The following FKBP15 variants were observed in gnomAD, a reference collection of about 807,000 sequenced individuals.
FKBP15 encodes FK506-binding protein 15.
Under a neutral mutation model 158.1 loss-of-function variants are expected in FKBP15, and 106 were observed. The ratio of observed to expected loss-of-function variants is 0.67; its 90% CI spans 0.57 to 0.79. FKBP15 has a LOEUF of 0.79. FKBP15 is among the 30% of genes least tolerant of loss of function. The probability of loss-of-function intolerance (pLI) is 0.00; values close to 1 mark genes in which losing one functional copy is unlikely to be tolerated. For missense variants in FKBP15, 1,287 were observed against 1,479.1 expected (o/e 0.87, Z 2.13); for synonymous variants, 547 against 548.6 (o/e 1.00, Z 0.04).
chr9:113,192,340 C>T (rs1156337462), intron 11 of FKBP15, among the ~76,000 whole-genome samples: 1 of 152,196 alleles, frequency 6.6e-6, no homozygotes, highest in Non-Finnish European at 1.5e-5. Context: ...TCACTCCATG[C>T]AACTATTCTG....
Position 113,184,876 on chromosome 9 carries a change from G to A in FKBP15, c.1499-72C>T. On this transcript the variant is annotated intron_variant, in intron 15 of 27. Coordinates refer to ENST00000238256, the MANE Select transcript of FKBP15 (RefSeq NM_015258.2). The surrounding 1 kb of genome is among the most constrained non-coding windows in gnomAD (Gnocchi z 4.5). Reference sequence around the variant, plus strand: ...GAAACTGTATGAAGAAAAGCTAGTAGCTCTTCCAGTAAAGAAAGAAATTAA... The same window carrying A: ...GAAACTGTATGAAGAAAAGCTAGTAACTCTTCCAGTAAAGAAAGAAATTAA... 1 of 1,162,256 alleles carries A rather than the reference G, an allele frequency of 8.6e-7. No homozygotes were observed. Among genetic ancestry groups the A allele is most frequent in the South Asian group, 1.4e-5 (1 of 73,984 alleles). The allele number at this position is 1,162,256 out of a possible 1,614,324, so 72.0% of individuals were successfully genotyped here.
At chr9:113,216,624 T>C (rs1482377706) in intron 1 of FKBP15, among the ~76,000 whole-genome samples, 1 of 152,208 alleles carries the variant, frequency 6.6e-6, no homozygotes, top group Non-Finnish European at 1.5e-5. Flanking sequence ...TCACTATCTT[T>C]AACACAGTGA....
chr9:113,206,907 A>G, intron 3 of FKBP15: 2 of 434,980 alleles, frequency 4.6e-6, no homozygotes, highest in Non-Finnish European at 4.1e-6. Flanking sequence ...TAAAGCTCAT[A>G]TACTATTCCC....
intron 11 of FKBP15, among the ~76,000 whole-genome samples, chr9:113,191,564 T>C (rs938806015): frequency 1.3e-5 from 2 of 151,064 alleles, no homozygotes; most frequent in South Asian, 4.2e-4. Context: ...ATGCACACAA[T>C]GGAATATTGT....
At chr9:113,196,860 T>C in intron 9 of FKBP15, 72 bp downstream of exon 9, 2 of 1,525,596 alleles carry the variant, frequency 1.3e-6, no homozygotes, top group East Asian at 2.3e-5. Context: ...TTCATTTATT[T>C]ATTCATTTTG....
Position 113,168,545 on chromosome 9 carries a change from T to A in FKBP15, c.3497A>T (p.Asp1166Val). Residue 1166 changes from aspartate to valine, a missense_variant, in exon 27 of 28, where the codon GAT (aspartate) becomes GTT (valine). Asp to Val is a radical substitution (Grantham distance 152). Transcript: ENST00000238256. ...CCCTTTAAACAGTTCATCCTCTTCA[T>A]CCCCAGAGAGACTGAAGGAAAATCA... ...HHSQRSSLSG[D>V]EEDELFKGAT... 2 of 1,613,762 alleles carry A rather than the reference T, an allele frequency of 1.2e-6. No individual in the cohort carries two copies. The highest frequency in any genetic ancestry group is 1.1e-5 in the South Asian group (1 of 91,060).
At chr9:113,190,686 C>A in intron 11 of FKBP15, 108 bp from the exon 12 acceptor site, 2 of 749,638 alleles carry the variant, frequency 2.7e-6, no homozygotes, top group South Asian at 3.3e-5. Flanking sequence ...ATCCCCCTAC[C>A]ATATCTATTT....
chr9:113,213,673 T>G (rs1347334509), intron 1 of FKBP15, among the ~76,000 whole-genome samples: 1 of 151,986 alleles, frequency 6.6e-6, no homozygotes, highest in Non-Finnish European at 1.5e-5. Context: ...TCTGAGCTAG[T>G]ATGCTTGCCA....
chr9:113,170,086 C>A, intron 25 of FKBP15, 144 bp from the exon 26 acceptor site: 1 of 1,122,778 alleles, frequency 8.9e-7, no homozygotes, highest in Non-Finnish European at 1.2e-6. Context: ...CAAGTCACTC[C>A]AGGCATCCTA....
intron 26 of FKBP15, among the ~76,000 whole-genome samples, 170 bp downstream of exon 26, chr9:113,169,054 C>T (rs1830153469): frequency 6.6e-6 from 1 of 152,198 alleles, no homozygotes; most frequent in Non-Finnish European, 1.5e-5. Context: ...ACTGTAGGGC[C>T]CGCCACAGAG....
Position 113,169,716 on chromosome 9 carries a change from G to A in FKBP15, c.2993C>T (p.Ala998Val), listed in dbSNP as rs370599862. 2 of 1,613,718 alleles carry A rather than the reference G, an allele frequency of 1.2e-6. No individual in the cohort carries two copies. The highest frequency in any genetic ancestry group is 3.3e-5 in the Admixed American group (2 of 59,956). Residue 998 changes from alanine (A) to valine (V), a missense_variant, in exon 26 of 28, where the codon GCC becomes GTC. Physicochemically the swap from Ala to Val is moderately conservative, Grantham distance 64. Coordinates refer to ENST00000238256, the MANE Select transcript of FKBP15 (RefSeq NM_015258.2). ...GTGTCCATCCTGGGAAGTGGTGAGG[G>A]CCTGAGGAGGCAACGGGACAGCTTC... is the stretch of plus-strand genomic sequence containing the variant. ...VEEAVPLPPQ[A>V]LTTSQDGHRR...
rs1830728830 is a variant in FKBP15, at chr9:113,198,534, C to T, written c.717+321G>A. On this transcript the variant is annotated intron_variant, in intron 8 of 27. Transcript: ENST00000238256. The surrounding 1 kb of genome is among the most constrained non-coding windows in gnomAD (Gnocchi z 5.2). ...TTGGGAGGCTGAGGCGGGTGGATCA[C>T]CTGATGTCGGGAGTTTGAGACCAGC... Among the ~76,000 whole-genome samples the T allele has an allele frequency of 6.6e-6, 1 of 152,162 alleles. No homozygotes were observed. The highest frequency in any genetic ancestry group is 6.5e-5 in the Admixed American group (1 of 15,270).
At position 113,166,000 on chromosome 9, in the gene FKBP15, C is replaced by T; in HGVS notation, c.*78G>A. 1 of 1,429,558 alleles carries T rather than the reference C, an allele frequency of 7.0e-7. No homozygotes were observed. The highest frequency in any genetic ancestry group is 9.6e-7 in the Non-Finnish European group (1 of 1,036,916). The allele number at this position is 1,429,558 out of a possible 1,614,324, so 88.6% of individuals were successfully genotyped here. ...ACCTTGACCTCACCCTGTGGTTCGC[C>T]TAGACCCAGGGTTGGCTGTGCAAAA... On this transcript the variant is annotated 3_prime_UTR_variant, in exon 28 of 28. Coordinates refer to ENST00000238256, the MANE Select transcript of FKBP15 (RefSeq NM_015258.2).
At chr9:113,212,777 G>C (rs77333757) in intron 1 of FKBP15, among the ~76,000 whole-genome samples, 1,648 of 152,088 alleles carry the variant, frequency 0.011, 27 homozygotes, top group African/African-American at 0.037. Context: ...TCTCTCCCTT[G>C]GTAGGGTTTC....
Position 113,197,070 on chromosome 9 carries a change from C to T in FKBP15, c.726G>A (p.Glu242=). The T allele has an allele frequency of 1.2e-6, 2 of 1,612,856 alleles. No homozygotes were observed. The highest frequency in any genetic ancestry group is 1.7e-6 in the Non-Finnish European group (2 of 1,179,078). The change falls in exon 9 of 28, where the codon GAG becomes GAA. Residue 242 remains glutamate (E), a synonymous_variant. Transcript: ENST00000238256. ...LGSGKVIKGW[E]DGMLGMKKGG... ...CTTTTTTCATGCCCAGCATTCCATC[C>T]TCCCAGCCCTTTAAAAATCAGATAG...
At chr9:113,178,123 G>A (rs1440737824) in intron 20 of FKBP15, among the ~76,000 whole-genome samples, 1 of 152,160 alleles carries the variant, frequency 6.6e-6, no homozygotes, top group African/African-American at 2.4e-5. Context: ...TAAGAAGCAA[G>A]ACAAGAACTA....
rs368493451 is a variant in FKBP15, at chr9:113,184,759, T to C, written c.1544A>G (p.His515Arg). Residue 515 changes from histidine to arginine, a missense_variant, in exon 16 of 28, where the codon CAT (histidine) becomes CGT (arginine). Transcript: ENST00000238256. This position sits in a 1 kb window ranked among gnomAD's most constrained non-coding sequence, Gnocchi z 4.5. ...GACTGCCATTCGAATTTCAGTGTTA[T>C]GTTGCCGGGCTTCAGTCATGAGAAA... is the stretch of plus-strand genomic sequence containing the variant. ...ASFLMTEARQ[H>R]NTEIRMAVSK... The C allele has an allele frequency of 6.8e-5, 110 of 1,607,884 alleles. No individual in the cohort carries two copies. Among genetic ancestry groups the C allele is most frequent in the Non-Finnish European group, 9.3e-5 (109 of 1,177,068 alleles).
intron 22 of FKBP15, among the ~76,000 whole-genome samples, chr9:113,173,850 G>C (rs1233014100): frequency 6.6e-6 from 1 of 152,272 alleles, no homozygotes; most frequent in South Asian, 2.1e-4. Context: ...GGTCCCTGGA[G>C]GGCAGGGCCA....
chr9:113,207,299 G>C lies in FKBP15; in HGVS notation c.170-3C>G. On this transcript the variant is annotated splice_polypyrimidine_tract_variant and splice_region_variant and intron_variant, in intron 2 of 27. Coordinates refer to ENST00000238256, the MANE Select transcript of FKBP15 (RefSeq NM_015258.2). ...TGTTTTTGGTGTTGCCTGATTTCCT[G>C]AAGATGAACAAGAAAACAAAGTTGT... is the stretch of plus-strand genomic sequence containing the variant. 1 of 1,609,908 alleles carries C rather than the reference G, an allele frequency of 6.2e-7. No homozygotes were observed. The highest frequency in any genetic ancestry group is 8.5e-7 in the Non-Finnish European group (1 of 1,178,590).
Sources: allele counts gnomAD v4.1 joint callset (sites outside exome capture counted in the v4.1 genomes callset), GRCh38; gene constraint gnomAD v4.1.1; non-coding constraint Gnocchi (gnomAD v3.1); transcripts MANE v1.5; gene names NCBI Gene and HGNC (gene_info 2026-07-23, HGNC 2026-07-21).